Variants in HYDIN observed in about 807,000 individuals in gnomAD.
HYDIN encodes HYDIN axonemal central pair apparatus protein.
In HYDIN, 132 loss-of-function variants were observed where a neutral mutation model predicts 403.9. The ratio of observed to expected loss-of-function variants is 0.33; its 90% CI spans 0.28 to 0.38. The LOEUF (loss-of-function observed/expected upper bound fraction) is 0.38, where lower values mean the gene tolerates loss of function less well. Among genes scored for constraint, HYDIN ranks in the 10% least tolerant of loss-of-function variants. The probability of loss-of-function intolerance (pLI) is 1.00; values close to 1 mark genes in which losing one functional copy is unlikely to be tolerated. For synonymous variants in HYDIN, 1,202 were observed against 1,891.7 expected (o/e 0.64, Z 9.46); for missense variants, 2,827 against 5,009.5 (o/e 0.56, Z 13.15).
At chr16:70,820,170 A>AT (rs145606548) in intron 83 of HYDIN, among the ~76,000 whole-genome samples, 3 of 98,582 alleles carry the variant, frequency 3.0e-5, no homozygotes, top group East Asian at 3.0e-4. Context: ...ATTTAAAGTG[A>AT]TTTTTTTTTC....
chr16:70,938,781 G>T (rs375662263), intron 43 of HYDIN, 26 bp from the exon 44 acceptor site: 177 of 1,612,434 alleles, frequency 1.1e-4, no homozygotes, highest in Non-Finnish European at 1.4e-4. Context: ...AGACGGGAAG[G>T]TGAGGAAAAG....
chr16:70,850,313 T>C, intron 74 of HYDIN, 135 bp downstream of exon 74: 1 of 882,956 alleles, frequency 1.1e-6, no homozygotes, highest in South Asian at 1.8e-5. Flanking sequence ...GGGATAGAGC[T>C]GCTCTTGCAG....
At chr16:70,862,384 T>C (rs2039471113) in intron 68 of HYDIN, 129 bp from the exon 69 acceptor site, 1 of 569,154 alleles carries the variant, frequency 1.8e-6, no homozygotes, top group South Asian at 2.1e-5. Context: ...TTGTAGCAGC[T>C]GTACTTAACC....
intron 18 of HYDIN, among the ~76,000 whole-genome samples, chr16:71,043,244 T>C (rs1436274955): frequency 1.3e-5 from 2 of 149,512 alleles, no homozygotes; most frequent in East Asian, 3.9e-4. Context: ...TCCAGTGTTC[T>C]GGAACTTAGT....
chr16:70,901,958 G>A (rs530940301), intron 52 of HYDIN, among the ~76,000 whole-genome samples: 11 of 151,636 alleles, frequency 7.3e-5, no homozygotes, highest in African/African-American at 2.2e-4. Flanking sequence ...ACCCTTTTTC[G>A]AATTGTTTTA....
chr16:71,175,169 T>TCTACAC (rs1419796270), intron 5 of HYDIN, among the ~76,000 whole-genome samples: 1 of 150,800 alleles, frequency 6.6e-6, no homozygotes, highest in Non-Finnish European at 1.5e-5. Flanking sequence ...ACCACCACCA[T>TCTACAC]CTACACCACC....
At chr16:70,963,912 A>C (rs2078492653) in intron 37 of HYDIN, among the ~76,000 whole-genome samples, 1 of 149,584 alleles carries the variant, frequency 6.7e-6, no homozygotes, top group Admixed American at 6.7e-5. Flanking sequence ...CTTTACGGGG[A>C]CTTCTTGGTT....
At chr16:70,902,821 A>ATTTTTTTTTTTTTTTTTTTT (rs60618592) in intron 52 of HYDIN, among the ~76,000 whole-genome samples, 3 of 47,310 alleles carry the variant, frequency 6.3e-5, no homozygotes, top group East Asian at 5.5e-4. Flanking sequence ...ATATATATAT[A>ATTTTTTTTTTTTTTTTTTTT]TTTTTTTTTT....
intron 5 of HYDIN, among the ~76,000 whole-genome samples, chr16:71,174,800 T>C (rs1362853858): frequency 6.6e-6 from 1 of 152,206 alleles, no homozygotes; most frequent in Non-Finnish European, 1.5e-5. Context: ...CTTCTTAGAC[T>C]GCCTGTGAGC....
chr16:71,202,750 C>T (rs2088084125), intron 1 of HYDIN, among the ~76,000 whole-genome samples: 1 of 152,146 alleles, frequency 6.6e-6, no homozygotes, highest in African/African-American at 2.4e-5. Flanking sequence ...TTTGTGTTTT[C>T]AATTAAAAAT....
intron 18 of HYDIN, among the ~76,000 whole-genome samples, chr16:71,050,027 G>GGT (rs369332510): frequency 0.063 from 9,261 of 146,930 alleles, 315 homozygotes; most frequent in Middle Eastern, 0.16. Context: ...CACTGGTTGG[G>GGT]GTGTGTGTGT....
intron 18 of HYDIN, among the ~76,000 whole-genome samples, chr16:71,043,073 A>G (rs1193277794): frequency 1.3e-5 from 2 of 151,832 alleles, no homozygotes; most frequent in East Asian, 3.9e-4. Flanking sequence ...TTTTGGCTAG[A>G]TGATGAATTT....
At chr16:71,139,479 C>A (rs2085082715) in intron 7 of HYDIN, among the ~76,000 whole-genome samples, 1 of 151,874 alleles carries the variant, frequency 6.6e-6, no homozygotes, top group African/African-American at 2.4e-5. Context: ...ATTATACATA[C>A]TATGTTTAAA....
rs575578035 is a variant in HYDIN at position 70,985,114 on chromosome 16, T to C, written c.4332+71A>G. On this transcript the variant is annotated intron_variant, in intron 28 of 85. Coordinates refer to ENST00000393567, the MANE Select transcript of HYDIN (RefSeq NM_001270974.2). ...GAAAAAATCACACTTGTAATCCTGGTCGTGAATACTCACCTGCTTCGGAGT... is the reference window on the plus strand; with the variant it reads ...GAAAAAATCACACTTGTAATCCTGGCCGTGAATACTCACCTGCTTCGGAGT... 3.3e-4 allele frequency: 428 copies of C among 1,280,792 alleles called. 2 individuals carry two copies. The East Asian group carries it at 9.3e-3, about 28-fold the overall frequency. The allele number at this position is 1,280,792 out of a possible 1,614,324, so 79.3% of individuals were successfully genotyped here. A position where few individuals can be genotyped will look rare whatever the true frequency, so the allele number is the denominator to read the frequency against.
Position 70,974,408 on chromosome 16 carries a change from G to A in HYDIN, c.4910-108C>T, listed in dbSNP as rs1041568135. On this transcript the variant is annotated intron_variant, in intron 32 of 85. Coordinates refer to ENST00000393567, the MANE Select transcript of HYDIN (RefSeq NM_001270974.2). ...CAGAATGACTGCTCAGAGGATCACT[G>A]AATAGCCCAAGAATCCTTTTAGCTG... The A allele has an allele frequency of 1.1e-5, 17 of 1,502,758 alleles. No homozygotes were observed. The Middle Eastern group carries it at 5.3e-4, about 47-fold the overall frequency. The allele number at this position is 1,502,758 out of a possible 1,614,324, so 93.1% of individuals were successfully genotyped here. A position where few individuals can be genotyped will look rare whatever the true frequency, so the allele number is the denominator to read the frequency against.
chr16:71,116,427 CT>C (rs2084036152), intron 9 of HYDIN, among the ~76,000 whole-genome samples: 1 of 152,128 alleles, frequency 6.6e-6, no homozygotes, highest in Admixed American at 6.5e-5. Flanking sequence ...TTTCATTCTT[CT>C]GTCGCTGGAC....
intron 1 of HYDIN, among the ~76,000 whole-genome samples, chr16:71,187,677 A>C (rs1246645058): frequency 6.6e-6 from 1 of 151,952 alleles, no homozygotes; most frequent in East Asian, 1.9e-4. Flanking sequence ...AACAAACAAA[A>C]ACCTCACAAG....
intron 60 of HYDIN, among the ~76,000 whole-genome samples, chr16:70,881,329 C>T (rs1445068929): frequency 2.8e-5 from 4 of 142,832 alleles, no homozygotes; most frequent in Admixed American, 1.4e-4. Context: ...AGAGAATAGG[C>T]CGGGTGCGGT....
intron 22 of HYDIN, among the ~76,000 whole-genome samples, chr16:71,019,881 G>C (rs1462810896): frequency 6.6e-6 from 1 of 152,282 alleles, no homozygotes; most frequent in Non-Finnish European, 1.5e-5. Flanking sequence ...GAAATGTTTC[G>C]TATACAAGGG....
Sources: allele counts gnomAD v4.1 joint callset (sites outside exome capture counted in the v4.1 genomes callset), GRCh38; gene constraint gnomAD v4.1.1; transcripts MANE v1.5; gene names NCBI Gene and HGNC (gene_info 2026-07-23, HGNC 2026-07-21).